The following FBN2 variants were observed in gnomAD, a reference collection of about 807,000 sequenced individuals.
FBN2 encodes fibrillin-2.
A neutral mutation model predicts 355.6 loss-of-function variants in FBN2; 105 were observed. The observed-to-expected ratio is 0.30, with a 90% CI of 0.25 to 0.35. FBN2 has a LOEUF of 0.35. FBN2 is among the 10% of genes least tolerant of loss of function. FBN2 has a pLI of 1.00. For missense variants in FBN2, 3,280 were observed against 3,758.7 expected (o/e 0.87, Z 3.33); for synonymous variants, 1,350 against 1,301.2 (o/e 1.04, Z -0.81).
chr5:128,537,394 C>T lies in FBN2; in HGVS notation c.210G>A (p.Val70=). Reference sequence around the variant, plus strand: ...GTCCTCGCCGGCGGACGCGGCTGGCCACTGCGGCACCCTCCTCGCGATACT... The same window carrying T: ...GTCCTCGCCGGCGGACGCGGCTGGCTACTGCGGCACCCTCCTCGCGATACT... The part of the protein sequence containing the change: ...APEYREEGAA[V]ASRVRRRGQQ... The change falls in exon 1 of 65, where the codon GTG becomes GTA. Residue 70 remains valine (V), a synonymous_variant. Coordinates refer to ENST00000262464, the MANE Select transcript of FBN2 (RefSeq NM_001999.4). 1 of 1,610,534 alleles carries T rather than the reference C, an allele frequency of 6.2e-7. No individual in the cohort carries two copies. The highest frequency in any genetic ancestry group is 8.5e-7 in the Non-Finnish European group (1 of 1,179,588).
chr5:128,479,992 A>C (rs542601227), intron 5 of FBN2, among the ~76,000 whole-genome samples: 2,113 of 31,968 alleles, frequency 0.066, 11 homozygotes, highest in Non-Finnish European at 0.076. Flanking sequence ...ATATATATAT[A>C]TATATATATA....
In FBN2 at chr5:128,330,610, G is replaced by A. The variant is rs1175443867; in HGVS notation, c.4308C>T (p.Cys1436=). The A allele has an allele frequency of 1.2e-6, 2 of 1,614,058 alleles. No individual in the cohort carries two copies. Among genetic ancestry groups the A allele is most frequent in the Non-Finnish European group, 8.5e-7 (1 of 1,179,950 alleles). Residue 1436 remains cysteine (C), a synonymous_variant, in exon 33 of 65, where the codon TGC becomes TGT. Transcript: ENST00000262464. ...VNTPGSYRCA[C]SEGFTGDGFT... is the part of the protein sequence containing the mutation. ...AGCCATCACCAGTGAAACCTTCGGA[G>A]CAGGCACAGCGGTATGAGCCCGGGG...
intron 5 of FBN2, among the ~76,000 whole-genome samples, chr5:128,517,407 G>T (rs144952201): frequency 1.3e-5 from 2 of 152,154 alleles, no homozygotes; most frequent in African/African-American, 2.4e-5. Context: ...TCTAAGAAAT[G>T]TGTGTTATTC....
At chr5:128,301,315 G>C in intron 47 of FBN2, 67 bp downstream of exon 47, 2 of 1,310,860 alleles carry the variant, frequency 1.5e-6, no homozygotes, top group Non-Finnish European at 2.2e-6. Flanking sequence ...AGTGAAAGGA[G>C]GGAGGCACAT....
chr5:128,461,449 C>T (rs1754552625), intron 6 of FBN2, among the ~76,000 whole-genome samples: 1 of 152,186 alleles, frequency 6.6e-6, no homozygotes, highest in South Asian at 2.1e-4. Context: ...ATGGCGATTC[C>T]TCAAGGGTCT....
chr5:128,513,422 A>G (rs1756186438), intron 5 of FBN2, among the ~76,000 whole-genome samples: 1 of 152,266 alleles, frequency 6.6e-6, no homozygotes, highest in Non-Finnish European at 1.5e-5. Flanking sequence ...CAGGAAAACA[A>G]GAAAAAATAT....
Position 128,442,764 on chromosome 5 carries a change from C to G in FBN2, c.952+3717G>C, listed in dbSNP as rs7712466. On this transcript the variant is annotated intron_variant, in intron 7 of 64. Coordinates refer to ENST00000262464, the MANE Select transcript of FBN2 (RefSeq NM_001999.4). Reference sequence around the variant, plus strand: ...CAGACACACACACACAAACACACCACATACATACATACACACACAGAGAGA... The same window carrying G: ...CAGACACACACACACAAACACACCAGATACATACATACACACACAGAGAGA... 7.3e-3 allele frequency among the ~76,000 whole-genome samples: 1,111 copies of G among 152,044 alleles called. 13 individuals are homozygous for G. The highest frequency in any genetic ancestry group is 0.025 in the African/African-American group (1,044 of 41,476).
At chr5:128,408,965 T>C (rs1212984616) in intron 7 of FBN2, among the ~76,000 whole-genome samples, 166 bp from the exon 8 acceptor site, 1 of 152,060 alleles carries the variant, frequency 6.6e-6, no homozygotes, top group African/African-American at 2.4e-5. Context: ...CTCACACATA[T>C]CTATGGGAAC....
chr5:128,514,557 T>C (rs1388274654), intron 5 of FBN2, among the ~76,000 whole-genome samples: 1 of 152,132 alleles, frequency 6.6e-6, no homozygotes, highest in Non-Finnish European at 1.5e-5. Flanking sequence ...TCAACAAATA[T>C]TGGATGAATA....
intron 23 of FBN2, 36 bp from the exon 24 acceptor site, chr5:128,345,620 T>C (rs1446135038): frequency 6.4e-7 from 1 of 1,557,054 alleles, no homozygotes; most frequent in Non-Finnish European, 8.9e-7. Flanking sequence ...TGAGAATGAG[T>C]TGAAACATCC....
intron 5 of FBN2, among the ~76,000 whole-genome samples, chr5:128,504,457 G>T (rs1755900903): frequency 6.6e-6 from 1 of 152,182 alleles, no homozygotes. Context: ...AAGCTACAGG[G>T]GCGGAGCTGC....
chr5:128,260,579 T>A (rs1292638122), intron 64 of FBN2, among the ~76,000 whole-genome samples: 2 of 152,264 alleles, frequency 1.3e-5, no homozygotes, highest in African/African-American at 4.8e-5. Context: ...GGCAGAATTA[T>A]GTCCTAGTAC....
At chr5:128,516,369 G>T (rs540184163) in intron 5 of FBN2, among the ~76,000 whole-genome samples, 1 of 144,336 alleles carries the variant, frequency 6.9e-6, no homozygotes, top group African/African-American at 2.6e-5. Context: ...GTAACCACAA[G>T]AACTCTTTTT....
At chr5:128,418,689 T>C (rs2127012738) in intron 7 of FBN2, among the ~76,000 whole-genome samples, 1 of 152,290 alleles carries the variant, frequency 6.6e-6, no homozygotes, top group South Asian at 2.1e-4. Context: ...TCTCTTCTTA[T>C]TGATTTCTTG....
chr5:128,416,667 G>A (rs1753208497), intron 7 of FBN2, among the ~76,000 whole-genome samples: 1 of 152,174 alleles, frequency 6.6e-6, no homozygotes, highest in Non-Finnish European at 1.5e-5. Context: ...TGAAAAGGAT[G>A]TCCATTCCTC....
At chr5:128,362,483 C>G (rs1453671080) in intron 18 of FBN2, among the ~76,000 whole-genome samples, 1 of 152,170 alleles carries the variant, frequency 6.6e-6, no homozygotes, top group Non-Finnish European at 1.5e-5. Flanking sequence ...GTTTTTGAGA[C>G]AGGATCTCAC....
intron 7 of FBN2, among the ~76,000 whole-genome samples, chr5:128,436,056 G>A (rs765784801): frequency 6.6e-6 from 1 of 152,028 alleles, no homozygotes; most frequent in Non-Finnish European, 1.5e-5. Flanking sequence ...ATGAAATATG[G>A]CTGTTAGTTA....
chr5:128,509,817 A>G (rs1196449795), intron 5 of FBN2, among the ~76,000 whole-genome samples: 1 of 152,166 alleles, frequency 6.6e-6, no homozygotes, highest in Non-Finnish European at 1.5e-5. Flanking sequence ...TATTGAGGCA[A>G]CACTATTCTG....
chr5:128,410,870 A>G (rs1407442118), intron 7 of FBN2, among the ~76,000 whole-genome samples: 1 of 152,216 alleles, frequency 6.6e-6, no homozygotes, highest in Admixed American at 6.5e-5. Flanking sequence ...AAAGGCTCTC[A>G]GGTTTTGTAT....
Sources: gnomAD v4.1 joint callset for allele counts (sites outside exome capture counted in the v4.1 genomes callset) on GRCh38, gnomAD v4.1.1 for gene constraint, MANE v1.5 for transcripts, NCBI Gene and HGNC (gene_info 2026-07-23, HGNC 2026-07-21) for gene names.